Variants in EBPL observed in about 807,000 individuals in gnomAD.
EBPL encodes the protein EBP like.
In EBPL, 20 loss-of-function variants were observed where a neutral mutation model predicts 19.0. The observed-to-expected ratio is 1.05, with a 90% confidence interval of 0.74 to 1.53. The LOEUF (loss-of-function observed/expected upper bound fraction) is 1.53. Ranked by LOEUF, EBPL falls within the 40% of genes most tolerant of loss-of-function variation. The pLI is 0.00. For synonymous variants in EBPL, 107 were observed against 117.0 expected (o/e 0.91, Z 0.55); for missense variants, 219 against 261.1 (o/e 0.84, Z 1.11).
chr13:49,668,949 G>A (rs1181822524), intron 2 of EBPL, among the ~76,000 whole-genome samples: 2 of 149,420 alleles, frequency 1.3e-5, no homozygotes, highest in South Asian at 2.1e-4. Context: ...GCGTGATCTC[G>A]GCTCACTGCA....
At chr13:49,686,973 AGAT>A in intron 1 of EBPL, among the ~76,000 whole-genome samples, 1 of 152,224 alleles carries the variant, frequency 6.6e-6, no homozygotes, top group East Asian at 1.9e-4. Flanking sequence ...TTTTTCGTAG[AGAT>A]GAGGCTTCAC....
At chr13:49,676,290 G>A (rs1212718108) in intron 1 of EBPL, among the ~76,000 whole-genome samples, 3 of 152,102 alleles carry the variant, frequency 2.0e-5, no homozygotes, top group Non-Finnish European at 4.4e-5. Context: ...CCTCCTCTTC[G>A]GTCTTTAAAA....
At chr13:49,672,870 C>T (rs1953833258) in intron 1 of EBPL, among the ~76,000 whole-genome samples, 1 of 152,050 alleles carries the variant, frequency 6.6e-6, no homozygotes, top group Non-Finnish European at 1.5e-5. Context: ...CCAGCCTGGC[C>T]AACATGGTGA....
At chr13:49,678,630 G>A (rs562534385) in intron 1 of EBPL, among the ~76,000 whole-genome samples, 2 of 152,076 alleles carry the variant, frequency 1.3e-5, no homozygotes, top group African/African-American at 2.4e-5. Context: ...CGGGAGCGCC[G>A]TGCGCAGCCC....
intron 1 of EBPL, among the ~76,000 whole-genome samples, chr13:49,682,718 C>T (rs1468298463): frequency 2.6e-5 from 4 of 152,222 alleles, no homozygotes; most frequent in African/African-American, 9.6e-5. Flanking sequence ...TATTTCCATA[C>T]TTCACAGGTA....
intron 2 of EBPL, among the ~76,000 whole-genome samples, chr13:49,667,888 G>C (rs1953756108): frequency 6.6e-6 from 1 of 152,204 alleles, no homozygotes; most frequent in South Asian, 2.1e-4. Flanking sequence ...TGGGCTGTTT[G>C]CTTTCTCTCA....
chr13:49,665,312 C>T (rs1965210701), intron 2 of EBPL, among the ~76,000 whole-genome samples: 1 of 152,182 alleles, frequency 6.6e-6, no homozygotes, highest in African/African-American at 2.4e-5. Context: ...CACTTTGTCA[C>T]CCAGGCTGGA....
At chr13:49,686,681 A>T in intron 1 of EBPL, 1 of 1,232,460 alleles carries the variant, frequency 8.1e-7, no homozygotes, top group Non-Finnish European at 1.0e-6. Context: ...AAGCAGTCAT[A>T]CCTGGGGCTT....
At chr13:49,673,964 C>CATAT (rs59122189) in intron 1 of EBPL, among the ~76,000 whole-genome samples, 2 of 98,680 alleles carry the variant, frequency 2.0e-5, no homozygotes, top group African/African-American at 1.1e-4. Flanking sequence ...GAACTTAATA[C>CATAT]ACACACACAC....
intron 1 of EBPL, among the ~76,000 whole-genome samples, chr13:49,674,615 C>CT (rs2137496885): frequency 9.4e-6 from 1 of 105,880 alleles, no homozygotes; most frequent in South Asian, 2.7e-4. Flanking sequence ...ACTGTCAGGA[C>CT]TTAAAAAAAA....
At chr13:49,673,253 T>C (rs1281702965) in intron 1 of EBPL, among the ~76,000 whole-genome samples, 2 of 152,216 alleles carry the variant, frequency 1.3e-5, no homozygotes, top group African/African-American at 2.4e-5. Flanking sequence ...AAACTAAATA[T>C]GCAATGACCA....
chr13:49,680,428 T>A (rs1334350365), intron 1 of EBPL, among the ~76,000 whole-genome samples: 1 of 152,150 alleles, frequency 6.6e-6, no homozygotes, highest in East Asian at 1.9e-4. Flanking sequence ...GAAGAAAAAG[T>A]GACAGATGGG....
At chr13:49,662,002 C>T (rs1408944446) in intron 3 of EBPL, 10 of 1,346,364 alleles carry the variant, frequency 7.4e-6, no homozygotes, top group African/African-American at 1.5e-5. Context: ...TTTTTTCATC[C>T]TTTTTTTTTG....
Position 49,660,917 on chromosome 13 carries a change from G to T in EBPL, c.*51C>A, listed in dbSNP as rs752176067. On this transcript the variant is annotated 3_prime_UTR_variant, in exon 4 of 4. Transcript: ENST00000242827. The stretch of plus-strand genomic sequence containing the variant: ...ACATTTTGGCCAAACAAAAAGATTT[G>T]ATTCATTCTGGTTCATGAAGTTAGA... 2 of 1,484,020 alleles carry T rather than the reference G, an allele frequency of 1.3e-6. No homozygotes were observed. The highest frequency in any genetic ancestry group is 1.4e-5 in the African/African-American group (1 of 71,628). The allele number at this position is 1,484,020 out of a possible 1,614,324, so 91.9% of individuals were successfully genotyped here.
chr13:49,689,322 C>A (rs1176598843), intron 1 of EBPL, among the ~76,000 whole-genome samples: 1 of 152,110 alleles, frequency 6.6e-6, no homozygotes, highest in Non-Finnish European at 1.5e-5. Context: ...ATTTTTACAG[C>A]TTTTTGTTTG....
chr13:49,680,318 A>G (rs1953928331), intron 1 of EBPL, among the ~76,000 whole-genome samples: 1 of 152,220 alleles, frequency 6.6e-6, no homozygotes, highest in Non-Finnish European at 1.5e-5. Context: ...TTAGAGACAG[A>G]CTTACTCAGT....
At chr13:49,667,666 T>C (rs1953751625) in intron 2 of EBPL, among the ~76,000 whole-genome samples, 1 of 152,218 alleles carries the variant, frequency 6.6e-6, no homozygotes, top group African/African-American at 2.4e-5. Context: ...GTTTTGGTTT[T>C]TAGAAATACG....
rs1954066255 is a variant in EBPL at position 49,691,477 on chromosome 13, G to A, written c.-53C>T. On this transcript the variant is annotated 5_prime_UTR_variant, in exon 1 of 4. Coordinates refer to ENST00000242827, the MANE Select transcript of EBPL (RefSeq NM_032565.5). ...AGGACCATGCGGCAGAGGAAAGCAG[G>A]GAGAGAAACGACGGGGCGGGGCTGG... 20 of 1,273,978 alleles carry A rather than the reference G, an allele frequency of 1.6e-5. No homozygotes were observed. The highest frequency in any genetic ancestry group is 2.7e-4 in the Middle Eastern group (1 of 3,708). The allele number at this position is 1,273,978 out of a possible 1,614,324, so 78.9% of individuals were successfully genotyped here.
chr13:49,685,465 GA>G (rs1566322423), intron 1 of EBPL, among the ~76,000 whole-genome samples: 1 of 152,144 alleles, frequency 6.6e-6, no homozygotes, highest in Non-Finnish European at 1.5e-5. Flanking sequence ...GATCATTAAG[GA>G]AAAGACAAAC....
Sources: allele counts gnomAD v4.1 joint callset (sites outside exome capture counted in the v4.1 genomes callset), GRCh38; gene constraint gnomAD v4.1.1; transcripts MANE v1.5; gene names NCBI Gene and HGNC (gene_info 2026-07-23, HGNC 2026-07-21).